Variants in STK3 observed in about 807,000 individuals in gnomAD.
The protein encoded by STK3 is serine/threonine kinase 3.
Under a neutral mutation model 58.0 loss-of-function variants are expected in STK3, and 41 were observed. That is an observed-to-expected ratio of 0.71 (90% confidence interval 0.55 to 0.92). The LOEUF (loss-of-function observed/expected upper bound fraction) is 0.92, where lower values mean the gene tolerates loss of function less well. STK3 is among the 40% of genes least tolerant of loss of function. The pLI is 0.00. For synonymous variants in STK3, 170 were observed against 191.0 expected (o/e 0.89, Z 0.91); for missense variants, 479 against 602.7 (o/e 0.79, Z 2.15).
chr8:98,418,808 A>C (rs1818138952), intron 3 of STK3, among the ~76,000 whole-genome samples: 1 of 152,056 alleles, frequency 6.6e-6, no homozygotes, highest in Non-Finnish European at 1.5e-5. Context: ...AGACTCTTAC[A>C]TGTTATAGCT....
At chr8:98,850,211 G>A (rs1175563831) in intron 3 of STK3, among the ~76,000 whole-genome samples, 3 of 152,144 alleles carry the variant, frequency 2.0e-5, no homozygotes, top group South Asian at 4.1e-4. Context: ...TGCTCAGGCT[G>A]TAGTGCAATG....
chr8:98,653,002 T>C (rs1821091528), intron 6 of STK3, among the ~76,000 whole-genome samples: 1 of 152,044 alleles, frequency 6.6e-6, no homozygotes. Context: ...TCTACAGAAC[T>C]CTCCACCCCA....
chr8:98,543,440 T>C (rs1810447927), intron 9 of STK3, among the ~76,000 whole-genome samples: 1 of 152,016 alleles, frequency 6.6e-6, no homozygotes, highest in Non-Finnish European at 1.5e-5. Flanking sequence ...TGAGAAACTA[T>C]GAGGACTTGC....
the STK3 span, among the ~76,000 whole-genome samples, chr8:98,346,928 G>A: frequency 6.6e-6 from 1 of 151,610 alleles, no homozygotes; most frequent in South Asian, 2.1e-4. Context: ...TCATTTAAAT[G>A]CCTTTAAAAT....
chr8:98,909,206 T>C (rs1839039483), intron 1 of STK3, among the ~76,000 whole-genome samples: 1 of 152,194 alleles, frequency 6.6e-6, no homozygotes, highest in Admixed American at 6.5e-5. Flanking sequence ...ATCTTATTTG[T>C]GATATACTAC....
chr8:98,448,855 T>G (rs755721893), intron 1 of STK3, among the ~76,000 whole-genome samples: 1 of 152,200 alleles, frequency 6.6e-6, no homozygotes, highest in Non-Finnish European at 1.5e-5. Flanking sequence ...TTTGCTCTCA[T>G]CTTTTTTTTC....
chr8:98,346,393 G>GA, the STK3 span, among the ~76,000 whole-genome samples: 2 of 151,204 alleles, frequency 1.3e-5, no homozygotes, highest in Non-Finnish European at 2.9e-5. Context: ...TAGGAGACTT[G>GA]AAAAAATATT....
intron 6 of STK3, among the ~76,000 whole-genome samples, chr8:98,665,177 A>G (rs533187821): frequency 2.6e-5 from 4 of 152,352 alleles, no homozygotes; most frequent in East Asian, 3.9e-4. Flanking sequence ...AACAAACTTG[A>G]AAGGTATTAC....
chr8:98,588,512 C>A (rs1178490380), intron 7 of STK3, among the ~76,000 whole-genome samples: 1 of 151,852 alleles, frequency 6.6e-6, no homozygotes, highest in Non-Finnish European at 1.5e-5. Flanking sequence ...CCCGACCTTT[C>A]TCTCTGGCTG....
intron 1 of STK3, among the ~76,000 whole-genome samples, chr8:98,902,404 A>G (rs1052830738): frequency 3.3e-5 from 5 of 152,148 alleles, no homozygotes; most frequent in Admixed American, 1.3e-4. Flanking sequence ...TTAACACCCC[A>G]ATACACATTC....
the STK3 span, among the ~76,000 whole-genome samples, chr8:98,349,147 T>C: frequency 6.6e-6 from 1 of 152,210 alleles, no homozygotes; most frequent in East Asian, 1.9e-4. Flanking sequence ...AAGAAGCCTG[T>C]CTGAAAGGCT....
rs188261603 is a variant in STK3 at position 98,920,529 on chromosome 8, G to A, written c.-79+21849C>T. Among the ~76,000 whole-genome samples, 267 of 152,332 alleles carry A rather than the reference G, an allele frequency of 1.8e-3. 1 individual carries two copies. The highest frequency in any genetic ancestry group is 2.4e-3 in the Non-Finnish European group (164 of 68,028). On this transcript the variant is annotated intron_variant, in intron 1 of 1. Coordinates refer to the STK3 transcript ENST00000519420. ...TGCCAAAAGCACATTACTCATGGCC[G>A]GGAAGTTGGCCTTTTATGTTGCCAC...
chr8:98,626,797 T>G (rs1466380865), intron 6 of STK3, among the ~76,000 whole-genome samples: 1 of 152,200 alleles, frequency 6.6e-6, no homozygotes, highest in African/African-American at 2.4e-5. Context: ...CTCACCAATC[T>G]TCCTCCTCTT....
intron 2 of STK3, among the ~76,000 whole-genome samples, chr8:98,770,465 A>G (rs1235491476): frequency 6.6e-6 from 1 of 152,156 alleles, no homozygotes; most frequent in Non-Finnish European, 1.5e-5. Flanking sequence ...GAAATTCCAG[A>G]CTCAGCATGT....
intron 10 of STK3, among the ~76,000 whole-genome samples, chr8:98,509,015 C>A (rs1206479671): frequency 6.6e-6 from 1 of 152,052 alleles, no homozygotes; most frequent in Non-Finnish European, 1.5e-5. Context: ...AAACTCGACC[C>A]ACATTTGCCC....
chr8:98,755,601 T>C (rs1362628139), intron 3 of STK3, among the ~76,000 whole-genome samples: 1 of 152,202 alleles, frequency 6.6e-6, no homozygotes, highest in Non-Finnish European at 1.5e-5. Flanking sequence ...TGCTGTGAAT[T>C]ACAAAATCCA....
downstream of STK3, among the ~76,000 whole-genome samples, chr8:98,370,757 C>T (rs1817602090): frequency 6.6e-6 from 1 of 152,156 alleles, no homozygotes; most frequent in African/African-American, 2.4e-5. Flanking sequence ...AGCTTGTCTA[C>T]TTAGAGTCAC....
intron 4 of STK3, among the ~76,000 whole-genome samples, chr8:98,726,457 A>T (rs1344522101): frequency 3.3e-5 from 5 of 152,318 alleles, no homozygotes; most frequent in Non-Finnish European, 5.9e-5. Flanking sequence ...TGAAAATTTT[A>T]ATGGTCTAAT....
intron 2 of STK3, among the ~76,000 whole-genome samples, chr8:98,378,565 T>A (rs747102876): frequency 1.3e-5 from 2 of 152,230 alleles, no homozygotes; most frequent in Non-Finnish European, 2.9e-5. Context: ...TGTGAGTATA[T>A]GAGGAATGTG....
Sources: allele counts gnomAD v4.1 joint callset (sites outside exome capture counted in the v4.1 genomes callset), GRCh38; gene constraint gnomAD v4.1.1; transcripts MANE v1.5; gene names NCBI Gene and HGNC (gene_info 2026-07-23, HGNC 2026-07-21).